SPAG16: variants seen among roughly 807,000 people sequenced by gnomAD.
SPAG16 encodes the protein sperm-associated antigen 16 protein.
A neutral mutation model predicts 80.4 loss-of-function variants in SPAG16; 86 were observed. That is an observed-to-expected ratio of 1.07 (90% confidence interval 0.90 to 1.28). The LOEUF is 1.28. Among genes scored for constraint, SPAG16 ranks in the 50% most tolerant of loss-of-function variants. The pLI is 0.00. For missense variants in SPAG16, 870 were observed against 765.3 expected (o/e 1.14, Z -1.61); for synonymous variants, 294 against 265.9 (o/e 1.11, Z -1.03).
At chr2:213,748,487 TAA>T (rs1248685860) in intron 10 of SPAG16, among the ~76,000 whole-genome samples, 1 of 152,046 alleles carries the variant, frequency 6.6e-6, no homozygotes, top group Non-Finnish European at 1.5e-5. Context: ...AAATAATTAA[TAA>T]GTTTTATTTC....
At chr2:214,121,838 GTATA>G (rs1451458660) in intron 14 of SPAG16, among the ~76,000 whole-genome samples, 2 of 151,686 alleles carry the variant, frequency 1.3e-5, no homozygotes, top group African/African-American at 4.8e-5. Context: ...TATGTATAAG[GTATA>G]TATGAAACAT....
chr2:213,407,214 G>A (rs78809990), intron 9 of SPAG16, among the ~76,000 whole-genome samples: 1,991 of 152,240 alleles, frequency 0.013, 21 homozygotes, highest in South Asian at 0.038. Flanking sequence ...TTGGCGGAGC[G>A]GCCAGAGAGG....
At chr2:214,263,070 AG>A (rs143005602) in intron 15 of SPAG16, among the ~76,000 whole-genome samples, 7,733 of 152,116 alleles carry the variant, frequency 0.051, 670 homozygotes, top group African/African-American at 0.18. Context: ...TTCTATAGTG[AG>A]AACAATTAAG....
chr2:214,216,405 T>TC (rs1467778206), intron 15 of SPAG16, among the ~76,000 whole-genome samples: 1 of 152,122 alleles, frequency 6.6e-6, no homozygotes, highest in Non-Finnish European at 1.5e-5. Flanking sequence ...CACTGCAACC[T>TC]CCGCCTGCCA....
chr2:214,251,420 A>C (rs942262119), intron 15 of SPAG16, among the ~76,000 whole-genome samples: 1 of 152,234 alleles, frequency 6.6e-6, no homozygotes, highest in Admixed American at 6.6e-5. Flanking sequence ...TGACACAAAA[A>C]TGAATATTTC....
At chr2:214,015,916 G>A (rs2047570186) in intron 13 of SPAG16, among the ~76,000 whole-genome samples, 2 of 152,262 alleles carry the variant, frequency 1.3e-5, no homozygotes, top group African/African-American at 4.8e-5. Context: ...GAGAATTTGA[G>A]CTAGGAAACA....
intron 10 of SPAG16, among the ~76,000 whole-genome samples, chr2:213,633,845 C>T (rs892467594): frequency 2.0e-5 from 3 of 152,102 alleles, no homozygotes; most frequent in Admixed American, 6.5e-5. Flanking sequence ...ATCACAGCTG[C>T]TGCTCTTTTT....
chr2:213,780,207 G>C (rs1268032694), intron 10 of SPAG16, among the ~76,000 whole-genome samples: 3 of 152,192 alleles, frequency 2.0e-5, no homozygotes, highest in African/African-American at 7.2e-5. Context: ...CTTTTAGTGA[G>C]AGGTACTTTT....
At position 213,713,245 on chromosome 2, in the gene SPAG16, C is replaced by T. The variant is rs192048031; in HGVS notation, c.1071-149240C>T. On this transcript the variant is annotated intron_variant, in intron 10 of 15. Transcript: ENST00000331683. ...TGGGTGAGGACACAGCCAAACCATA[C>T]CACTGCCTTTGTCATGAAGGACACT... Among the ~76,000 whole-genome samples the T allele has an allele frequency of 1.5e-3, 232 of 152,284 alleles. 1 individual carries two copies. The highest frequency in any genetic ancestry group is 2.8e-3 in the Non-Finnish European group (193 of 68,024).
intron 15 of SPAG16, among the ~76,000 whole-genome samples, chr2:214,270,541 T>C (rs1447151756): frequency 2.6e-5 from 4 of 152,182 alleles, no homozygotes; most frequent in African/African-American, 9.6e-5. Context: ...CGAGCCTCTA[T>C]GATATGGCTC....
chr2:214,106,032 A>G (rs2053363872), intron 13 of SPAG16, among the ~76,000 whole-genome samples: 1 of 152,176 alleles, frequency 6.6e-6, no homozygotes, highest in Non-Finnish European at 1.5e-5. Flanking sequence ...TGGCATTCAG[A>G]ATTTGAAAAA....
At chr2:213,571,676 T>C (rs1166988176) in intron 10 of SPAG16, among the ~76,000 whole-genome samples, 1 of 17,564 alleles carries the variant, frequency 5.7e-5, no homozygotes, top group Admixed American at 5.8e-4. Flanking sequence ...TAACATTTTT[T>C]CCTTCATTTC....
At chr2:213,837,645 T>C (rs913392679) in intron 10 of SPAG16, among the ~76,000 whole-genome samples, 1 of 152,216 alleles carries the variant, frequency 6.6e-6, no homozygotes, top group East Asian at 1.9e-4. Flanking sequence ...GGCAGAATAA[T>C]GCACCCCAGC....
Position 213,652,491 on chromosome 2 carries a change from C to CT in SPAG16, c.1070+162408dup, listed in dbSNP as rs56846656. The stretch of plus-strand genomic sequence containing the variant: ...ACAACTATTTCCAGAATTATTGTGT[C>CT]TTTTTTTATATTTCCAGCAGCAAGG... On this transcript the variant is annotated intron_variant, in intron 10 of 15. Coordinates refer to ENST00000331683, the MANE Select transcript of SPAG16 (RefSeq NM_024532.5). Among the ~76,000 whole-genome samples the CT allele has an allele frequency of 3.2e-3, 482 of 152,088 alleles. 2 individuals carry two copies. Among genetic ancestry groups the CT allele is most frequent in the African/African-American group, 0.011 (448 of 41,502 alleles).
At chr2:213,910,323 A>C (rs72948711) in intron 11 of SPAG16, among the ~76,000 whole-genome samples, 1 of 152,074 alleles carries the variant, frequency 6.6e-6, no homozygotes, top group African/African-American at 2.4e-5. Flanking sequence ...TCTTCAGATC[A>C]TATAAATCTA....
At chr2:213,551,440 G>A (rs1242960987) in intron 10 of SPAG16, among the ~76,000 whole-genome samples, 1 of 152,178 alleles carries the variant, frequency 6.6e-6, no homozygotes, top group Admixed American at 6.5e-5. Context: ...AATGAGATTA[G>A]TCAATGGGAT....
At chr2:214,043,678 C>T (rs1482627010) in intron 13 of SPAG16, among the ~76,000 whole-genome samples, 1 of 152,132 alleles carries the variant, frequency 6.6e-6, no homozygotes, top group Non-Finnish European at 1.5e-5. Context: ...TAGCAGACTT[C>T]ATGCCTTACG....
intron 10 of SPAG16, among the ~76,000 whole-genome samples, chr2:213,734,560 T>A (rs980192545): frequency 1.4e-4 from 21 of 152,174 alleles, no homozygotes; most frequent in African/African-American, 3.4e-4. Context: ...TAGAATCAAG[T>A]TTTTAGAATT....
chr2:213,744,343 A>T (rs1476351663), intron 10 of SPAG16, among the ~76,000 whole-genome samples: 1 of 151,972 alleles, frequency 6.6e-6, no homozygotes, highest in Non-Finnish European at 1.5e-5. Flanking sequence ...ACTGGATTTT[A>T]CTTTATTTCT....
Sources: gnomAD v4.1 joint callset for allele counts (sites outside exome capture counted in the v4.1 genomes callset) on GRCh38, gnomAD v4.1.1 for gene constraint, MANE v1.5 for transcripts, NCBI Gene and HGNC (gene_info 2026-07-23, HGNC 2026-07-21) for gene names.